Variants in EYS observed in about 807,000 individuals in gnomAD.
EYS encodes protein eyes shut homolog.
EYS carries 250 observed loss-of-function variants against 282.1 expected under a neutral mutation model. That is an observed-to-expected ratio of 0.89 (90% CI 0.80 to 0.98). The LOEUF (loss-of-function observed/expected upper bound fraction) is 0.98, where lower values mean the gene tolerates loss of function less well. Among genes scored for constraint, EYS ranks in the 50% least tolerant of loss-of-function variants. The pLI, the probability that EYS is intolerant of heterozygous loss-of-function variation, is 0.00. For synonymous variants in EYS, 1,355 were observed against 1,282.9 expected (o/e 1.06, Z -1.20); for missense variants, 4,016 against 3,709.0 (o/e 1.08, Z -2.15).
intron 26 of EYS, among the ~76,000 whole-genome samples, chr6:64,512,001 T>C (rs1210790044): frequency 6.6e-6 from 1 of 152,094 alleles, no homozygotes; most frequent in Non-Finnish European, 1.5e-5. Flanking sequence ...TCTCAACTTT[T>C]CTATACCTTG....
chr6:64,660,553 A>G (rs1583009968), intron 22 of EYS, among the ~76,000 whole-genome samples: 5 of 152,222 alleles, frequency 3.3e-5, no homozygotes, highest in Admixed American at 2.6e-4. Context: ...AGGATACAAA[A>G]GCCATGTGCA....
chr6:64,812,351 G>T (rs78201611), intron 22 of EYS, among the ~76,000 whole-genome samples: 7 of 151,554 alleles, frequency 4.6e-5, no homozygotes, highest in African/African-American at 1.7e-4. Context: ...TATCTATGTC[G>T]TAATAATAAA....
chr6:64,653,875 T>A (rs543378575), intron 22 of EYS, among the ~76,000 whole-genome samples: 1 of 152,012 alleles, frequency 6.6e-6, no homozygotes, highest in African/African-American at 2.4e-5. Context: ...TCCTCTAAAT[T>A]TTTGAAGTTT....
At chr6:64,829,769 G>A (rs929333976) in intron 19 of EYS, among the ~76,000 whole-genome samples, 1 of 151,828 alleles carries the variant, frequency 6.6e-6, no homozygotes, top group African/African-American at 2.4e-5. Flanking sequence ...TATAATATAT[G>A]GAATTGGGAA....
At chr6:64,182,586 T>G (rs1030064392) in intron 31 of EYS, among the ~76,000 whole-genome samples, 2 of 152,158 alleles carry the variant, frequency 1.3e-5, no homozygotes, top group Non-Finnish European at 2.9e-5. Flanking sequence ...TGAAAGTCAT[T>G]TATCATGTCT....
intron 1 of EYS, among the ~76,000 whole-genome samples, chr6:65,650,308 C>G (rs538974720): frequency 1.2e-3 from 178 of 152,268 alleles, no homozygotes; most frequent in Non-Finnish European, 1.9e-3. Flanking sequence ...ACACAATGCT[C>G]TCTTTGAGGT....
chr6:63,923,965 A>C (rs1764644153), intron 35 of EYS, among the ~76,000 whole-genome samples: 1 of 152,240 alleles, frequency 6.6e-6, no homozygotes, highest in Admixed American at 6.5e-5. Flanking sequence ...TGATTGGTCA[A>C]TAAACATAAT....
intron 26 of EYS, among the ~76,000 whole-genome samples, chr6:64,563,491 C>T (rs1765468249): frequency 6.6e-6 from 1 of 152,018 alleles, no homozygotes; most frequent in South Asian, 2.1e-4. Flanking sequence ...AAGGGATTCT[C>T]ACAATCTTAT....
chr6:64,356,208 T>C (rs963395444), intron 29 of EYS, among the ~76,000 whole-genome samples: 7 of 151,542 alleles, frequency 4.6e-5, no homozygotes, highest in African/African-American at 1.7e-4. Flanking sequence ...TTTTTTAAAA[T>C]TTTTTATTGT....
chr6:64,877,634 A>G (rs1048738286), intron 19 of EYS, among the ~76,000 whole-genome samples: 11 of 152,310 alleles, frequency 7.2e-5, no homozygotes, highest in Middle Eastern at 3.4e-3. Flanking sequence ...AGAAAATGGC[A>G]ATGGAGAATA....
intron 26 of EYS, among the ~76,000 whole-genome samples, chr6:64,581,282 A>G (rs1328668679): frequency 1.3e-5 from 2 of 152,058 alleles, no homozygotes; most frequent in African/African-American, 2.4e-5. Flanking sequence ...TGTGCATAAA[A>G]CTGGGGTGGT....
At chr6:65,026,198 C>A (rs1462430244) in intron 13 of EYS, among the ~76,000 whole-genome samples, 1 of 152,026 alleles carries the variant, frequency 6.6e-6, no homozygotes, top group Admixed American at 6.6e-5. Context: ...TAACTCTATC[C>A]ACTGTTAGTT....
intron 35 of EYS, among the ~76,000 whole-genome samples, chr6:63,939,676 A>C (rs939421121): frequency 6.6e-6 from 1 of 152,160 alleles, no homozygotes; most frequent in Non-Finnish European, 1.5e-5. Context: ...AGTTTGAAAA[A>C]ACTCACAAAC....
At chr6:64,703,170 C>A (rs954981447) in intron 22 of EYS, among the ~76,000 whole-genome samples, 38 of 151,682 alleles carry the variant, frequency 2.5e-4, no homozygotes, top group African/African-American at 9.0e-4. Context: ...CTATTACTCA[C>A]GGCAGAGCAG....
At chr6:63,874,209 A>G (rs1335132333) in intron 35 of EYS, among the ~76,000 whole-genome samples, 1 of 152,258 alleles carries the variant, frequency 6.6e-6, no homozygotes, top group Non-Finnish European at 1.5e-5. Context: ...AGCTTTCTAC[A>G]TATGGCTAGC....
chr6:65,706,021 A>T (rs1242158012), intron 1 of EYS, among the ~76,000 whole-genome samples: 1 of 151,874 alleles, frequency 6.6e-6, no homozygotes, highest in Non-Finnish European at 1.5e-5. Context: ...TAAATATAGT[A>T]TGAAAATTAA....
At position 64,016,593 on chromosome 6, in the gene EYS, A is replaced by T. The variant is rs9450602; in HGVS notation, c.6726-17410T>A. Among the ~76,000 whole-genome samples, 1,449 of 151,346 alleles carry T rather than the reference A, an allele frequency of 9.6e-3. 19 individuals carry two copies. Among genetic ancestry groups the T allele is most frequent in the African/African-American group, 0.034 (1,388 of 41,178 alleles). ...TGATCACATGCAATCCTCCTGCCTC[A>T]GACTCCCAAGTAGCTGGGACTACAG... On this transcript the variant is annotated intron_variant, in intron 33 of 42. Coordinates refer to ENST00000503581, the MANE Select transcript of EYS (RefSeq NM_001142800.2).
chr6:63,955,094 A>C (rs1030377828), intron 35 of EYS, among the ~76,000 whole-genome samples: 20 of 152,134 alleles, frequency 1.3e-4, no homozygotes, highest in African/African-American at 4.6e-4. Flanking sequence ...AGACACTTTC[A>C]CTGAATGAGT....
chr6:63,891,202 T>C (rs1562081868), intron 35 of EYS, among the ~76,000 whole-genome samples: 3 of 151,870 alleles, frequency 2.0e-5, no homozygotes, highest in South Asian at 2.1e-4. Flanking sequence ...TTCTAAACAA[T>C]AGAAGAAGAG....
Sources: allele counts gnomAD v4.1 joint callset (sites outside exome capture counted in the v4.1 genomes callset), GRCh38; gene constraint gnomAD v4.1.1; transcripts MANE v1.5; gene names NCBI Gene and HGNC (gene_info 2026-07-23, HGNC 2026-07-21).